Variants in ANO4 observed in about 807,000 individuals in gnomAD.
ANO4 encodes anoctamin 4.
In ANO4, 69 loss-of-function variants were observed where a neutral mutation model predicts 141.9. That is an observed-to-expected ratio of 0.49 (90% CI 0.40 to 0.59). The LOEUF is 0.59. Among genes scored for constraint, ANO4 ranks in the 20% least tolerant of loss-of-function variants. ANO4 has a pLI of 0.00. For synonymous variants in ANO4, 350 were observed against 394.3 expected (o/e 0.89, Z 1.33); for missense variants, 894 against 1,162.2 (o/e 0.77, Z 3.36).
rs527304244 is a variant in ANO4 at position 100,823,768 on chromosome 12, G to A, written c.-141+28741G>A. Among the ~76,000 whole-genome samples the A allele has an allele frequency of 2.6e-5, 4 of 152,024 alleles. No homozygotes were observed. In the South Asian group the frequency reaches 8.3e-4, roughly 32 times the overall value. ...TAATTATTAAATCTGAAAAACCTAT[G>A]TCTTGTAGTTTGTGGTGACTCTGTA... is the stretch of plus-strand genomic sequence containing the variant. On this transcript the variant is annotated intron_variant, in intron 1 of 27. Transcript: ENST00000392977.
intron 3 of ANO4, among the ~76,000 whole-genome samples, chr12:100,923,921 T>G (rs1412812533): frequency 6.6e-6 from 1 of 152,200 alleles, no homozygotes; most frequent in Non-Finnish European, 1.5e-5. Flanking sequence ...GTCTGTTGGC[T>G]GTATAAATGT....
chr12:100,768,782 T>C (rs1243751683), intron 3 of ANO4, among the ~76,000 whole-genome samples: 1 of 152,250 alleles, frequency 6.6e-6, no homozygotes, highest in Non-Finnish European at 1.5e-5. Context: ...TAAAATGGTA[T>C]AATTTTCCTG....
At chr12:100,957,926 T>C (rs1223812421) in intron 5 of ANO4, among the ~76,000 whole-genome samples, 1 of 152,258 alleles carries the variant, frequency 6.6e-6, no homozygotes, top group Non-Finnish European at 1.5e-5. Context: ...CAGGCTGGTC[T>C]CAAACCCCTG....
At chr12:100,839,061 G>C (rs1023243518) in intron 1 of ANO4, among the ~76,000 whole-genome samples, 3 of 152,000 alleles carry the variant, frequency 2.0e-5, no homozygotes, top group Non-Finnish European at 4.4e-5. Flanking sequence ...TTATTAGTTA[G>C]AAAACTATTT....
chr12:100,979,673 T>G (rs2044361829), intron 7 of ANO4, among the ~76,000 whole-genome samples: 1 of 151,920 alleles, frequency 6.6e-6, no homozygotes, highest in South Asian at 2.1e-4. Flanking sequence ...TCTCCATGTG[T>G]GCAGAGGAGA....
upstream of ANO4, among the ~76,000 whole-genome samples, chr12:100,791,615 T>G (rs1003597057): frequency 6.6e-6 from 1 of 152,230 alleles, no homozygotes; most frequent in Non-Finnish European, 1.5e-5. Context: ...TCCAAATTCA[T>G]GTAACATGGT....
chr12:101,063,444 T>C (rs2048433162), intron 14 of ANO4, among the ~76,000 whole-genome samples: 1 of 152,236 alleles, frequency 6.6e-6, no homozygotes, highest in South Asian at 2.1e-4. Context: ...ATATATTACC[T>C]TTTATGAGTG....
chr12:101,018,981 A>G (rs2046415689), intron 8 of ANO4, among the ~76,000 whole-genome samples: 1 of 152,200 alleles, frequency 6.6e-6, no homozygotes, highest in Non-Finnish European at 1.5e-5. Context: ...ATATGGAATG[A>G]TCAGTAAATT....
At position 100,928,080 on chromosome 12, in the gene ANO4, A is replaced by T. The variant is rs1204915386; in HGVS notation, c.160+5750A>T. On this transcript the variant is annotated intron_variant, in intron 3 of 27. Transcript: ENST00000392977. ...AGTGACACCGAGTGAGTCACTTTGA[A>T]TCTAATTCTTTAGCCCTGATTTCCA... Among the ~76,000 whole-genome samples, 3 of 150,700 alleles carry T rather than the reference A, an allele frequency of 2.0e-5. No homozygotes were observed. The South Asian group carries it at 6.3e-4, about 32-fold the overall frequency.
chr12:100,788,704 T>G (rs982569161), intron 3 of ANO4, among the ~76,000 whole-genome samples: 4 of 152,128 alleles, frequency 2.6e-5, no homozygotes, highest in African/African-American at 9.7e-5. Context: ...GAGTGTATAT[T>G]GAGTGTGTAT....
At chr12:100,961,776 A>G (rs1191937795) in intron 5 of ANO4, among the ~76,000 whole-genome samples, 1 of 152,188 alleles carries the variant, frequency 6.6e-6, no homozygotes, top group Admixed American at 6.5e-5. Context: ...CTCAATTTGA[A>G]CTAGTTATAT....
intron 14 of ANO4, chr12:101,069,360 T>G: frequency 1.7e-6 from 1 of 585,524 alleles, no homozygotes. Flanking sequence ...GAATAAATAT[T>G]TTGATTTCTA....
At chr12:100,916,188 AC>A (rs1340241205) in intron 2 of ANO4, among the ~76,000 whole-genome samples, 1 of 152,220 alleles carries the variant, frequency 6.6e-6, no homozygotes, top group Non-Finnish European at 1.5e-5. Context: ...GAGGAAGAGG[AC>A]AGAGATTGCA....
At chr12:100,966,639 C>G (rs2043666155) in intron 5 of ANO4, among the ~76,000 whole-genome samples, 1 of 152,060 alleles carries the variant, frequency 6.6e-6, no homozygotes, top group African/African-American at 2.4e-5. Flanking sequence ...GCATGTCAAA[C>G]TTAACTTTTC....
chr12:100,968,412 T>C (rs2043771855), intron 5 of ANO4, among the ~76,000 whole-genome samples: 1 of 152,202 alleles, frequency 6.6e-6, no homozygotes, highest in African/African-American at 2.4e-5. Flanking sequence ...GGAGAGAGTA[T>C]ACTCTAAGCG....
intron 3 of ANO4, among the ~76,000 whole-genome samples, chr12:100,936,335 A>AGCG (rs1381448440): frequency 4.6e-5 from 7 of 152,160 alleles, no homozygotes; most frequent in Non-Finnish European, 7.4e-5. Context: ...TAGGATGTAT[A>AGCG]GCGGCATCCC....
chr12:100,847,262 C>G (rs951387694), intron 1 of ANO4, among the ~76,000 whole-genome samples: 45 of 152,292 alleles, frequency 3.0e-4, no homozygotes, highest in African/African-American at 1.1e-3. Context: ...TAAACATACA[C>G]TTGCTTTTTT....
At position 100,994,582 on chromosome 12, in the gene ANO4, C is replaced by G. The variant is rs940169441; in HGVS notation, c.734+6912C>G. Reference sequence around the variant, plus strand: ...AGATATAGACAGAAAAATGTTCTCCCCTGCATTTTCTGTGTTTTTATTATT... The same window carrying G: ...AGATATAGACAGAAAAATGTTCTCCGCTGCATTTTCTGTGTTTTTATTATT... On this transcript the variant is annotated intron_variant, in intron 8 of 27. Coordinates refer to ENST00000392977, the MANE Select transcript of ANO4 (RefSeq NM_001286615.2). Among the ~76,000 whole-genome samples, 15 of 152,190 alleles carry G rather than the reference C, an allele frequency of 9.9e-5. No homozygotes were observed. In the East Asian group the frequency reaches 2.7e-3, roughly 27 times the overall value.
chr12:100,790,438 A>G (rs939483635), upstream of ANO4, among the ~76,000 whole-genome samples: 2 of 152,198 alleles, frequency 1.3e-5, no homozygotes, highest in South Asian at 2.1e-4. Flanking sequence ...GCAGCCCCTA[A>G]TTCTGTGTTG....
Sources: gnomAD v4.1 joint callset for allele counts (sites outside exome capture counted in the v4.1 genomes callset) on GRCh38, gnomAD v4.1.1 for gene constraint, MANE v1.5 for transcripts, NCBI Gene and HGNC (gene_info 2026-07-23, HGNC 2026-07-21) for gene names.